KCNT2: variants seen among roughly 807,000 people sequenced by gnomAD.
KCNT2 encodes potassium channel subfamily T member 2.
KCNT2 carries 67 observed loss-of-function variants against 153.8 expected under a neutral mutation model. The observed-to-expected ratio is 0.44, with a 90% CI of 0.36 to 0.53. The LOEUF (loss-of-function observed/expected upper bound fraction) is 0.53. Among genes scored for constraint, KCNT2 ranks in the 20% least tolerant of loss-of-function variants. The pLI, the probability that KCNT2 is intolerant of heterozygous loss-of-function variation, is 0.00. For missense variants in KCNT2, 975 were observed against 1,354.8 expected, an observed-to-expected ratio of 0.72 and a Z score of 4.40; for synonymous variants, 500 against 458.8, an observed-to-expected ratio of 1.09 and a Z score of -1.15.
chr1:196,237,703 T>C lies in KCNT2; in HGVS notation c.3212-1633A>G, dbSNP rs1350052627. Reference sequence around the variant, plus strand: ...TGATATACTTACACTAAAATATCTTTGTTGTTTATCAGAAATTTAAGTTCC... The same window carrying C: ...TGATATACTTACACTAAAATATCTTCGTTGTTTATCAGAAATTTAAGTTCC... On this transcript the variant is annotated intron_variant, in intron 26 of 27. Transcript: ENST00000294725. Among the ~76,000 whole-genome samples the C allele has an allele frequency of 2.6e-5, 4 of 151,972 alleles. No individual in the cohort carries two copies. The South Asian group carries it at 8.3e-4, about 31-fold the overall frequency.
At chr1:196,443,886 G>A (rs1228090546) in intron 8 of KCNT2, among the ~76,000 whole-genome samples, 1 of 151,376 alleles carries the variant, frequency 6.6e-6, no homozygotes, top group African/African-American at 2.4e-5. Flanking sequence ...GCCATCCCTA[G>A]ACATTAATTT....
At chr1:196,429,279 CTA>C (rs1673926935) in intron 9 of KCNT2, among the ~76,000 whole-genome samples, 1 of 151,558 alleles carries the variant, frequency 6.6e-6, no homozygotes, top group South Asian at 2.1e-4. Context: ...TAATTAAAAA[CTA>C]TGTTATTCTA....
intron 1 of KCNT2, among the ~76,000 whole-genome samples, chr1:196,555,359 T>C (rs993115290): frequency 6.6e-6 from 1 of 151,094 alleles, no homozygotes; most frequent in African/African-American, 2.4e-5. Context: ...ATGCCAACAG[T>C]TAAAAATCTA....
chr1:196,362,605 C>T (rs1014447794), intron 14 of KCNT2, among the ~76,000 whole-genome samples: 1 of 152,056 alleles, frequency 6.6e-6, no homozygotes, highest in African/African-American at 2.4e-5. Flanking sequence ...CAAATACATA[C>T]TTTCATAAAG....
At chr1:196,278,752 G>A (rs891804383) in intron 25 of KCNT2, among the ~76,000 whole-genome samples, 1 of 152,098 alleles carries the variant, frequency 6.6e-6, no homozygotes, top group Non-Finnish European at 1.5e-5. Context: ...AAAAATCAGG[G>A]CAACACTCTA....
intron 13 of KCNT2, among the ~76,000 whole-genome samples, chr1:196,394,494 A>C (rs1382100468): frequency 6.6e-6 from 1 of 151,556 alleles, no homozygotes; most frequent in Non-Finnish European, 1.5e-5. Flanking sequence ...ATAATGGGTG[A>C]GAAACAGATT....
At chr1:196,473,244 A>G (rs1449721732) in intron 5 of KCNT2, among the ~76,000 whole-genome samples, 1 of 152,108 alleles carries the variant, frequency 6.6e-6, no homozygotes, top group Admixed American at 6.5e-5. Context: ...CCTTCATCAT[A>G]TACCCTCTAG....
intron 1 of KCNT2, among the ~76,000 whole-genome samples, chr1:196,560,522 T>C (rs1477072366): frequency 6.6e-6 from 1 of 151,926 alleles, no homozygotes; most frequent in Non-Finnish European, 1.5e-5. Context: ...TTGTCAGCTT[T>C]ATGATCCATT....
rs557371667 is a variant in KCNT2, at chr1:196,504,965, T to C, written c.96-12624A>G. Among the ~76,000 whole-genome samples, 21 of 152,296 alleles carry C rather than the reference T, an allele frequency of 1.4e-4. No individual in the cohort carries two copies. The South Asian group carries it at 4.1e-3, about 30-fold the overall frequency. On this transcript the variant is annotated intron_variant, in intron 1 of 27. Coordinates refer to ENST00000294725, the MANE Select transcript of KCNT2 (RefSeq NM_198503.5). ...TTTTCTTGTAAATTGTTTGAGTTCA[T>C]TGTAGATTCTGGATATTAGCCTTTT...
chr1:196,254,490 A>G (rs1030495183), intron 26 of KCNT2, among the ~76,000 whole-genome samples: 38 of 151,590 alleles, frequency 2.5e-4, no homozygotes, highest in African/African-American at 7.2e-4. Context: ...GCAAAAAATT[A>G]TAAAAGAAAT....
intron 16 of KCNT2, 26 bp downstream of exon 16, chr1:196,340,315 G>C (rs1665494620): frequency 8.3e-7 from 1 of 1,205,368 alleles, no homozygotes; most frequent in East Asian, 2.4e-5. Context: ...ATAAATTAAT[G>C]ATATTTCAAA....
At chr1:196,521,097 A>G (rs1653327727) in intron 1 of KCNT2, among the ~76,000 whole-genome samples, 1 of 152,186 alleles carries the variant, frequency 6.6e-6, no homozygotes, top group Non-Finnish European at 1.5e-5. Flanking sequence ...TTACTAGAAA[A>G]AAGAAAACAA....
In KCNT2 at chr1:196,258,638, T is replaced by C. The variant is rs778777041; in HGVS notation, c.2911-144A>G. The stretch of plus-strand genomic sequence containing the variant: ...AAAGAGCAAAATCAGTCTTTGATTC[T>C]AATTTTCCATTACTAAAAATATTAA... On this transcript the variant is annotated intron_variant, in intron 25 of 27. Coordinates refer to ENST00000294725, the MANE Select transcript of KCNT2 (RefSeq NM_198503.5). 3 of 716,718 alleles carry C rather than the reference T, an allele frequency of 4.2e-6. No homozygotes were observed. The South Asian group carries it at 4.9e-5, about 12-fold the overall frequency. The allele number at this position is 716,718 out of a possible 1,614,324, so 44.4% of individuals were successfully genotyped here. A position where few individuals can be genotyped will look rare whatever the true frequency, so the allele number is the denominator to read the frequency against.
intron 1 of KCNT2, among the ~76,000 whole-genome samples, chr1:196,563,276 A>G (rs531446612): frequency 1.3e-5 from 2 of 151,814 alleles, no homozygotes; most frequent in African/African-American, 4.8e-5. Context: ...TCCTTTTCCA[A>G]TCACTAGTAA....
intron 8 of KCNT2, among the ~76,000 whole-genome samples, chr1:196,434,111 C>T (rs1163113065): frequency 1.3e-5 from 2 of 151,974 alleles, no homozygotes; most frequent in African/African-American, 4.8e-5. Flanking sequence ...GCTCAGCTGC[C>T]CCTATGGAAT....
At chr1:196,306,004 A>C (rs1661598801) in intron 21 of KCNT2, among the ~76,000 whole-genome samples, 1 of 152,116 alleles carries the variant, frequency 6.6e-6, no homozygotes, top group Admixed American at 6.5e-5. Flanking sequence ...ATGAGCACAC[A>C]TACGTACACG....
intron 13 of KCNT2, among the ~76,000 whole-genome samples, chr1:196,379,565 T>TTCTCTCTCTCTCTCTC (rs67709356): frequency 1.2e-4 from 17 of 136,244 alleles, no homozygotes; most frequent in South Asian, 2.6e-4. Flanking sequence ...CAGTGAGACT[T>TTCTCTCTCTCTCTCTC]TCTCTCTCTC....
At chr1:196,455,566 C>T (rs1001624091) in intron 8 of KCNT2, among the ~76,000 whole-genome samples, 3 of 151,878 alleles carry the variant, frequency 2.0e-5, no homozygotes, top group Non-Finnish European at 4.4e-5. Context: ...TTTTGTTTTT[C>T]TCTCTTATGA....
At chr1:196,466,548 C>T (rs1308737126) in intron 7 of KCNT2, among the ~76,000 whole-genome samples, 1 of 151,964 alleles carries the variant, frequency 6.6e-6, no homozygotes, top group African/African-American at 2.4e-5. Context: ...GTATAATTTT[C>T]AATGCAGTAA....
Sources: allele counts gnomAD v4.1 joint callset (sites outside exome capture counted in the v4.1 genomes callset), GRCh38; gene constraint gnomAD v4.1.1; transcripts MANE v1.5; gene names NCBI Gene and HGNC (gene_info 2026-07-23, HGNC 2026-07-21).